ICA1L: variants seen among roughly 807,000 people sequenced by gnomAD.
The protein encoded by ICA1L is islet cell autoantigen 1-like protein.
Under a neutral mutation model 61.3 loss-of-function variants are expected in ICA1L, and 50 were observed. The observed-to-expected ratio is 0.82, with a 90% CI of 0.65 to 1.03. The LOEUF (loss-of-function observed/expected upper bound fraction) is 1.03. ICA1L is among the 50% of genes least tolerant of loss of function. The pLI, the probability that ICA1L is intolerant of heterozygous loss-of-function variation, is 0.00. For missense variants in ICA1L, 508 were observed against 556.7 expected (o/e 0.91, Z 0.88); for synonymous variants, 161 against 191.3 (o/e 0.84, Z 1.31).
chr2:202,785,442 A>AC (rs1405435544), intron 12 of ICA1L, among the ~76,000 whole-genome samples: 1 of 152,012 alleles, frequency 6.6e-6, no homozygotes, highest in Non-Finnish European at 1.5e-5. Flanking sequence ...TCTTTTGGAG[A>AC]CAGTCTTGCT....
intron 6 of ICA1L, among the ~76,000 whole-genome samples, chr2:202,816,713 G>A (rs1407677069): frequency 6.6e-6 from 1 of 152,172 alleles, no homozygotes; most frequent in African/African-American, 2.4e-5. Context: ...CCTAAAAGCA[G>A]GAGTGAATGT....
chr2:202,864,593 GTGTA>G (rs1687426568), intron 1 of ICA1L, among the ~76,000 whole-genome samples: 1 of 151,920 alleles, frequency 6.6e-6, no homozygotes, highest in African/African-American at 2.4e-5. Context: ...AGTAGTGTGT[GTGTA>G]TGTATGTATA....
intron 9 of ICA1L, among the ~76,000 whole-genome samples, chr2:202,798,897 A>C (rs1264620884): frequency 6.6e-6 from 1 of 152,148 alleles, no homozygotes; most frequent in Admixed American, 6.5e-5. Context: ...TGCCTGGCTT[A>C]TTTCACTTAA....
intron 1 of ICA1L, among the ~76,000 whole-genome samples, chr2:202,835,389 A>G (rs985439250): frequency 2.7e-5 from 4 of 149,334 alleles, no homozygotes; most frequent in African/African-American, 9.9e-5. Context: ...TATTTTTACT[A>G]GAGACAGGGT....
At chr2:202,836,922 A>C (rs1344341684) in intron 1 of ICA1L, among the ~76,000 whole-genome samples, 1 of 151,954 alleles carries the variant, frequency 6.6e-6, no homozygotes, top group Non-Finnish European at 1.5e-5. Flanking sequence ...GCTCACTGCA[A>C]TCTCCACCTC....
At chr2:202,858,676 G>A (rs1401057403) in intron 1 of ICA1L, among the ~76,000 whole-genome samples, 2 of 152,170 alleles carry the variant, frequency 1.3e-5, no homozygotes, top group East Asian at 3.8e-4. Context: ...TTATAATGGA[G>A]CAGAGAAAAT....
intron 1 of ICA1L, among the ~76,000 whole-genome samples, chr2:202,839,862 T>C (rs1413519569): frequency 1.3e-5 from 2 of 152,142 alleles, no homozygotes; most frequent in Non-Finnish European, 2.9e-5. Context: ...TTATCCACTA[T>C]AGGTTTTTGC....
chr2:202,819,506 T>C (rs1693636338), intron 5 of ICA1L, 195 bp downstream of exon 5: 1 of 573,052 alleles, frequency 1.7e-6, no homozygotes, highest in East Asian at 2.9e-5. Context: ...AGGTAGATGG[T>C]GTGAAGATGC....
chr2:202,819,680 G>A (rs752048187), intron 5 of ICA1L, 21 bp downstream of exon 5: 3 of 1,564,070 alleles, frequency 1.9e-6, no homozygotes, highest in Non-Finnish European at 2.6e-6. Flanking sequence ...CCAAGAAAAG[G>A]AAAGGGATAC....
At chr2:202,809,728 G>A (rs913230956) in intron 9 of ICA1L, among the ~76,000 whole-genome samples, 9 of 152,002 alleles carry the variant, frequency 5.9e-5, no homozygotes, top group African/African-American at 7.2e-5. Context: ...GGCAGAGGTT[G>A]CAGTGTGCCA....
chr2:202,836,488 T>G (rs1423949898), intron 1 of ICA1L, among the ~76,000 whole-genome samples: 2 of 152,202 alleles, frequency 1.3e-5, no homozygotes, highest in Non-Finnish European at 2.9e-5. Context: ...TTGTACTGTT[T>G]TTGTCTGCCT....
chr2:202,841,174 CT>C (rs1694319100), intron 1 of ICA1L: 3 of 668,544 alleles, frequency 4.5e-6, no homozygotes, highest in Non-Finnish European at 8.3e-6. Context: ...TTCATATAAG[CT>C]TCATCCACAT....
intron 1 of ICA1L, among the ~76,000 whole-genome samples, chr2:202,837,177 G>A (rs956435617): frequency 2.0e-5 from 3 of 151,236 alleles, no homozygotes; most frequent in African/African-American, 7.3e-5. Context: ...ATGATCCTTT[G>A]TATTTCTGTG....
At chr2:202,846,297 G>A (rs559472775) in intron 1 of ICA1L, among the ~76,000 whole-genome samples, 3 of 151,374 alleles carry the variant, frequency 2.0e-5, no homozygotes, top group African/African-American at 7.3e-5. Context: ...GCCTAGGCTG[G>A]AGTGCAGCAG....
chr2:202,821,021 C>T (rs1054562371), intron 4 of ICA1L, among the ~76,000 whole-genome samples: 2 of 152,242 alleles, frequency 1.3e-5, no homozygotes, highest in East Asian at 1.9e-4. Flanking sequence ...TGGAAATACA[C>T]ATTTTTAAGA....
intron 2 of ICA1L, among the ~76,000 whole-genome samples, chr2:202,828,290 T>A (rs1322503750): frequency 6.7e-6 from 1 of 150,344 alleles, no homozygotes; most frequent in Non-Finnish European, 1.5e-5. Context: ...ACAGACTTTT[T>A]AATTCATTTA....
In ICA1L at chr2:202,781,532, C is replaced by A. The variant is rs187395949; in HGVS notation, c.1334-1884G>T. Among the ~76,000 whole-genome samples the A allele has an allele frequency of 4.6e-5, 7 of 151,162 alleles. No homozygotes were observed. The East Asian group carries it at 1.4e-3, about 29-fold the overall frequency. On this transcript the variant is annotated intron_variant, in intron 12 of 12. Transcript: ENST00000358299. The stretch of plus-strand genomic sequence containing the variant: ...GAGGTTGCAGTGAGCCAAGATTGCA[C>A]CACTGCACTCCAGCCTGGGTGACAG...
intron 8 of ICA1L, 115 bp downstream of exon 8, chr2:202,814,586 GA>G: frequency 2.8e-6 from 2 of 708,934 alleles, no homozygotes; most frequent in Non-Finnish European, 4.8e-6. Flanking sequence ...GTGTTGATTG[GA>G]AAAATGACAT....
chr2:202,841,388 C>T, intron 1 of ICA1L: 1 of 1,023,890 alleles, frequency 9.8e-7, no homozygotes, highest in Non-Finnish European at 1.5e-6. Context: ...TGCTCTAAGC[C>T]ATCTTCTGCT....
Sources: gnomAD v4.1 joint callset for allele counts (sites outside exome capture counted in the v4.1 genomes callset) on GRCh38, gnomAD v4.1.1 for gene constraint, MANE v1.5 for transcripts, NCBI Gene and HGNC (gene_info 2026-07-23, HGNC 2026-07-21) for gene names.